Variants in TBC1D5 observed in about 807,000 individuals in gnomAD.
The protein encoded by TBC1D5 is TBC1 domain family, member 5.
TBC1D5 carries 75 observed loss-of-function variants against 100.3 expected under a neutral mutation model. That is an observed-to-expected ratio of 0.75 (90% CI 0.62 to 0.91). TBC1D5 has a LOEUF of 0.91. Among genes scored for constraint, TBC1D5 ranks in the 40% least tolerant of loss-of-function variants. The pLI is 0.00. For synonymous variants in TBC1D5, 323 were observed against 325.6 expected (o/e 0.99, Z 0.09); for missense variants, 910 against 942.4 (o/e 0.97, Z 0.45).
intron 17 of TBC1D5, among the ~76,000 whole-genome samples, chr3:17,233,119 A>C (rs1203516649): frequency 6.6e-6 from 1 of 152,184 alleles, no homozygotes; most frequent in African/African-American, 2.4e-5. Context: ...GAACAAATGG[A>C]TATGATATTT....
chr3:17,538,400 G>T (rs1325099841), intron 2 of TBC1D5, among the ~76,000 whole-genome samples: 1 of 152,128 alleles, frequency 6.6e-6, no homozygotes, highest in Non-Finnish European at 1.5e-5. Context: ...CTCCTCAAGT[G>T]AACACGTGCA....
At chr3:17,470,993 T>C (rs1316485297) in intron 3 of TBC1D5, among the ~76,000 whole-genome samples, 1 of 152,170 alleles carries the variant, frequency 6.6e-6, no homozygotes, top group African/African-American at 2.4e-5. Flanking sequence ...CCCAGCACAT[T>C]TGGGATGTGA....
At chr3:17,607,232 G>A (rs1218899659) in intron 2 of TBC1D5, among the ~76,000 whole-genome samples, 1 of 151,792 alleles carries the variant, frequency 6.6e-6, no homozygotes, top group East Asian at 1.9e-4. Context: ...ACAAATTGCA[G>A]TTTAAAATAT....
At chr3:17,452,398 G>GA (rs1437828401) in intron 3 of TBC1D5, among the ~76,000 whole-genome samples, 5 of 152,066 alleles carry the variant, frequency 3.3e-5, no homozygotes, top group Non-Finnish European at 7.4e-5. Flanking sequence ...AAGACATGAT[G>GA]AAAACCCAAG....
chr3:17,540,856 G>A (rs2096345899), intron 2 of TBC1D5, among the ~76,000 whole-genome samples: 1 of 130,688 alleles, frequency 7.7e-6, no homozygotes, highest in African/African-American at 3.0e-5. Context: ...GCAGTGAGCC[G>A]AGATCATGCC....
At chr3:17,618,795 G>A (rs2062405217) in intron 2 of TBC1D5, among the ~76,000 whole-genome samples, 1 of 152,206 alleles carries the variant, frequency 6.6e-6, no homozygotes, top group Non-Finnish European at 1.5e-5. Context: ...CGTTTTTCCA[G>A]GTATAGTCTG....
At position 17,300,655 on chromosome 3, in the gene TBC1D5, G is replaced by A. The variant is rs112225054; in HGVS notation, c.1138+7337C>T. Among the ~76,000 whole-genome samples, 561 of 152,252 alleles carry A rather than the reference G, an allele frequency of 3.7e-3. 1 individual carries two copies. Among genetic ancestry groups the A allele is most frequent in the Middle Eastern group, 6.8e-3 (2 of 294 alleles). On this transcript the variant is annotated intron_variant, in intron 14 of 21. Coordinates refer to ENST00000253692, the Ensembl canonical transcript of TBC1D5. ...TAGTAGAGTATTGTAACATGCTTACGCTGGCTGAAAAAACAAGGCAGGAAG... is the reference window on the plus strand; with the variant it reads ...TAGTAGAGTATTGTAACATGCTTACACTGGCTGAAAAAACAAGGCAGGAAG...
intron 3 of TBC1D5, among the ~76,000 whole-genome samples, chr3:17,432,952 A>G (rs2094469566): frequency 6.6e-6 from 1 of 152,216 alleles, no homozygotes; most frequent in Admixed American, 6.5e-5. Flanking sequence ...ACAGTCAAAA[A>G]TGTTCCAAAG....
At position 17,679,670 on chromosome 3, in the gene TBC1D5, T is replaced by C. The variant is rs571757639; in HGVS notation, c.-100-55757A>G. ...TGGAAAGAATATGTGAAGTACATTA[T>C]ACATTAATATTGAGACAATTTATTT... On this transcript the variant is annotated intron_variant, in intron 1 of 21. Coordinates refer to ENST00000253692, the Ensembl canonical transcript of TBC1D5. 5.9e-5 allele frequency among the ~76,000 whole-genome samples: 9 copies of C among 151,706 alleles called. 1 individual carries two copies. The highest frequency in any genetic ancestry group is 2.0e-4 in the African/African-American group (8 of 40,992).
chr3:17,639,992 G>A (rs2064339421), intron 1 of TBC1D5, among the ~76,000 whole-genome samples: 1 of 152,244 alleles, frequency 6.6e-6, no homozygotes, highest in South Asian at 2.1e-4. Context: ...TGCCATCCCT[G>A]CTCTAGCCCA....
chr3:17,533,258 C>T (rs1244730489), intron 2 of TBC1D5, among the ~76,000 whole-genome samples: 1 of 152,132 alleles, frequency 6.6e-6, no homozygotes, highest in Non-Finnish European at 1.5e-5. Flanking sequence ...CTTCATTTGA[C>T]CATTTAATGC....
At chr3:17,707,477 G>T (rs997566586) in intron 1 of TBC1D5, among the ~76,000 whole-genome samples, 8 of 152,034 alleles carry the variant, frequency 5.3e-5, no homozygotes, top group African/African-American at 1.9e-4. Context: ...TTACTGAAAG[G>T]ATTACTTAAC....
chr3:17,710,678 ATTTT>A (rs956735493), intron 1 of TBC1D5, among the ~76,000 whole-genome samples: 42 of 152,008 alleles, frequency 2.8e-4, no homozygotes, highest in African/African-American at 1.0e-3. Flanking sequence ...GTTTTCATTT[ATTTT>A]ATTTATTTAT....
intron 9 of TBC1D5, 54 bp downstream of exon 9, chr3:17,383,859 G>T: frequency 7.3e-7 from 1 of 1,367,752 alleles, no homozygotes; most frequent in East Asian, 2.3e-5. Flanking sequence ...CATTTGTCAA[G>T]CTGTATAGAA....
chr3:17,185,175 G>C, exon 19 of TBC1D5: 1 of 1,613,550 alleles, frequency 6.2e-7, no homozygotes, highest in Non-Finnish European at 8.5e-7. Context: ...AACTGCCCTT[G>C]AAGGAAGGAA....
intron 3 of TBC1D5, among the ~76,000 whole-genome samples, chr3:17,474,312 C>T (rs558332671): frequency 2.0e-5 from 3 of 152,230 alleles, no homozygotes; most frequent in African/African-American, 7.2e-5. Context: ...CTGAGATAAA[C>T]GAGCTTCATC....
At chr3:17,204,234 G>A (rs919840567) in intron 18 of TBC1D5, among the ~76,000 whole-genome samples, 6 of 152,188 alleles carry the variant, frequency 3.9e-5, no homozygotes, top group South Asian at 2.1e-4. Flanking sequence ...TGCAGACTCC[G>A]CAATCTGGTC....
intron 17 of TBC1D5, among the ~76,000 whole-genome samples, chr3:17,230,562 T>C (rs1352659774): frequency 6.6e-6 from 1 of 152,120 alleles, no homozygotes; most frequent in African/African-American, 2.4e-5. Flanking sequence ...CTTAAGAATA[T>C]CAACAGTGGT....
Position 17,337,123 on chromosome 3 carries a change from G to GTTTTT in TBC1D5, c.996-28994_996-28990dup, listed in dbSNP as rs11328091. 3.3e-4 allele frequency among the ~76,000 whole-genome samples: 38 copies of GTTTTT among 116,110 alleles called. 1 individual carries two copies. Among genetic ancestry groups the GTTTTT allele is most frequent in the African/African-American group, 1.2e-3 (34 of 28,450 alleles). 76.2% of individuals were successfully genotyped at this position (116,110 alleles called of 152,430 possible). A position where few individuals can be genotyped will look rare whatever the true frequency, so the allele number is the denominator to read the frequency against. ...AGCTTGCACCAAAATTATCTGAGAGGTTTTTTTTTTTTTTTTTTTTTTAAG... is the reference window on the plus strand; with the variant it reads ...AGCTTGCACCAAAATTATCTGAGAGGTTTTTTTTTTTTTTTTTTTTTTTTTTTAAG... On this transcript the variant is annotated intron_variant, in intron 13 of 21. Transcript: ENST00000253692.
Sources: gnomAD v4.1 joint callset for allele counts (sites outside exome capture counted in the v4.1 genomes callset) on GRCh38, gnomAD v4.1.1 for gene constraint, MANE v1.5 for transcripts, NCBI Gene and HGNC (gene_info 2026-07-23, HGNC 2026-07-21) for gene names.